Variants in ZMAT1 observed in about 807,000 individuals in gnomAD.
ZMAT1 encodes the protein zinc finger matrin-type 1, also known as zinc finger matrin-type protein 1.
A neutral mutation model predicts 18.5 loss-of-function variants in ZMAT1; 11 were observed. The observed-to-expected ratio is 0.59, with a 90% CI of 0.37 to 0.98. The LOEUF is 0.98. ZMAT1 is among the 50% of genes least tolerant of loss of function. The pLI is 0.01. For missense variants in ZMAT1, 525 were observed against 496.2 expected (o/e 1.06, Z -0.55); for synonymous variants, 211 against 176.4 (o/e 1.20, Z -1.55).
chrX:101,895,361 C>T (rs149146126), intron 4 of ZMAT1, among the ~76,000 whole-genome samples: 3,451 of 110,375 alleles, frequency 0.031, 75 homozygotes, highest in Admixed American at 0.091. Context: ...CATGAGAATT[C>T]CTATGTTTGA....
At chrX:101,916,921 C>A (rs752071341) in intron 1 of ZMAT1, among the ~76,000 whole-genome samples, 1 of 111,577 alleles carries the variant, frequency 9.0e-6, no homozygotes, top group South Asian at 3.7e-4. Flanking sequence ...GAGAAAGGTG[C>A]CAAGGACATA....
chrX:101,891,029 C>T (rs145967227), intron 4 of ZMAT1, among the ~76,000 whole-genome samples: 126 of 110,961 alleles, frequency 1.1e-3, no homozygotes, highest in Non-Finnish European at 2.1e-3. Context: ...TATTAAGTGA[C>T]GTGGTTGGTC....
chrX:101,930,267 G>T (rs1011341184), intron 1 of ZMAT1, among the ~76,000 whole-genome samples: 8 of 111,873 alleles, frequency 7.2e-5, no homozygotes, highest in Admixed American at 1.9e-4. Flanking sequence ...CCTACTAGCT[G>T]GTTATGGACA....
intron 2 of ZMAT1, among the ~76,000 whole-genome samples, chrX:101,899,550 T>C (rs996946185): frequency 1.8e-5 from 2 of 111,975 alleles, no homozygotes; most frequent in African/African-American, 6.5e-5. Context: ...AGAGAGAACA[T>C]ACGATGTTTG....
intron 2 of ZMAT1, among the ~76,000 whole-genome samples, chrX:101,899,214 T>C (rs1273804080): frequency 1.8e-5 from 2 of 111,955 alleles, no homozygotes; most frequent in East Asian, 2.8e-4. Flanking sequence ...AACTAAGATG[T>C]TGGTGTAGGG....
chrX:101,883,465 T>G lies in ZMAT1; in HGVS notation c.*45A>C. 2 of 1,006,926 alleles carry G rather than the reference T, an allele frequency of 2.0e-6. No individual in the cohort carries two copies. Among genetic ancestry groups the G allele is most frequent in the Non-Finnish European group, 2.7e-6 (2 of 747,663 alleles). 83.0% of individuals were successfully genotyped at this position (1,006,926 alleles called of 1,213,427 possible). On this transcript the variant is annotated 3_prime_UTR_variant, in exon 6 of 6. Transcript: ENST00000651725. ...TTCCTTTTTCTAAATCCATATTGAC[T>G]GTTTTTTTTTTTCAATTCAACCTTG...
At chrX:101,928,258 G>A (rs1280209439) in intron 1 of ZMAT1, among the ~76,000 whole-genome samples, 6 of 112,341 alleles carry the variant, frequency 5.3e-5, no homozygotes, top group Non-Finnish European at 1.9e-5. Flanking sequence ...TAATTTGTCC[G>A]TATATCCTTA....
chrX:101,913,606 A>G (rs771380948), intron 1 of ZMAT1, among the ~76,000 whole-genome samples: 1 of 112,104 alleles, frequency 8.9e-6, no homozygotes, highest in South Asian at 3.7e-4. Context: ...ACACTATATG[A>G]TGATAAAGGG....
intron 1 of ZMAT1, among the ~76,000 whole-genome samples, chrX:101,929,384 T>A (rs1930271790): frequency 1.0e-5 from 1 of 97,885 alleles, no homozygotes; most frequent in Non-Finnish European, 2.0e-5. Context: ...TGACAACCAT[T>A]TATGGCATAT....
At chrX:101,892,786 A>G in intron 4 of ZMAT1, 2 of 709,076 alleles carry the variant, frequency 2.8e-6, no homozygotes, top group Middle Eastern at 8.2e-4. Flanking sequence ...AGCAGTGAGA[A>G]TGATGAAGAA....
chrX:101,907,614 CA>C (rs1423250873), intron 1 of ZMAT1, among the ~76,000 whole-genome samples: 1 of 111,972 alleles, frequency 8.9e-6, no homozygotes, highest in Admixed American at 9.4e-5. Flanking sequence ...GACAAAGATT[CA>C]AAATAACTGT....
chrX:101,921,203 A>G (rs949413183), intron 1 of ZMAT1, among the ~76,000 whole-genome samples: 2 of 111,645 alleles, frequency 1.8e-5, no homozygotes, highest in East Asian at 2.8e-4. Context: ...CTAGCTGCAC[A>G]GCAGAATCAC....
Position 101,883,788 on chromosome X carries a change from C to G in ZMAT1, c.1810G>C (p.Glu604Gln). 8.3e-7 allele frequency: 1 copy of G among 1,209,816 alleles called. No individual in the cohort carries two copies. The change falls in exon 6 of 6, where the codon GAA becomes CAA. Residue 604 changes from glutamate to glutamine, a missense_variant. By Grantham distance (29) the Glu-to-Gln change is conservative. Transcript: ENST00000651725. ...KHQKRKRHLE[E>Q]GKERPEKEQS... ...TCTTTCTCTGGCCTTTCTTTGCCTT[C>G]TTCTAGGTGTCGTTTTCTCTTCTGA...
At chrX:101,902,762 A>G (rs1928335048) in intron 2 of ZMAT1, among the ~76,000 whole-genome samples, 1 of 112,116 alleles carries the variant, frequency 8.9e-6, no homozygotes, top group Non-Finnish European at 1.9e-5. Flanking sequence ...GTATATGACA[A>G]AAGTGTATAG....
rs188207314 is a variant in ZMAT1 at position 101,903,013 on chromosome X, A to T, written c.399+1211T>A. ...ACTACAAGTGATAGAATTATAATTT[A>T]TATCTATTTTCTTGTATTTTTGCCT... is the stretch of plus-strand genomic sequence containing the variant. On this transcript the variant is annotated intron_variant, in intron 2 of 5. Coordinates refer to ENST00000651725, the MANE Select transcript of ZMAT1 (RefSeq NM_001394560.1). Among the ~76,000 whole-genome samples the T allele has an allele frequency of 5.0e-3, 561 of 111,820 alleles. 2 individuals carry two copies. Among genetic ancestry groups the T allele is most frequent in the African/African-American group, 0.017 (512 of 30,869 alleles).
At chrX:101,914,883 C>CA (rs1220080903) in intron 1 of ZMAT1, among the ~76,000 whole-genome samples, 2 of 110,953 alleles carry the variant, frequency 1.8e-5, no homozygotes, top group African/African-American at 6.5e-5. Flanking sequence ...AAGAGACATC[C>CA]AAAAAAGAAA....
chrX:101,899,771 G>A (rs1375912495), intron 2 of ZMAT1, among the ~76,000 whole-genome samples: 2 of 112,349 alleles, frequency 1.8e-5, no homozygotes, highest in Non-Finnish European at 3.8e-5. Flanking sequence ...ATATGCGTGT[G>A]CAAGCATCTT....
chrX:101,891,876 G>A (rs1049572436), intron 4 of ZMAT1, among the ~76,000 whole-genome samples: 10 of 111,085 alleles, frequency 9.0e-5, no homozygotes, highest in African/African-American at 3.3e-4. Flanking sequence ...AATAATAAGT[G>A]GAGACAGTAA....
At chrX:101,889,248 G>C (rs1927198256) in intron 4 of ZMAT1, 1 of 110,943 alleles carries the variant, frequency 9.0e-6, no homozygotes, top group African/African-American at 3.3e-5. Flanking sequence ...ATCCTCCTGG[G>C]GCCTGCCTCC....
Sources: allele counts gnomAD v4.1 joint callset (sites outside exome capture counted in the v4.1 genomes callset), GRCh38; gene constraint gnomAD v4.1.1; transcripts MANE v1.5; gene names NCBI Gene and HGNC (gene_info 2026-07-23, HGNC 2026-07-21).